Variants in GOLGB1 observed in about 807,000 individuals in gnomAD.
GOLGB1 encodes the protein golgin subfamily B member 1.
In GOLGB1, 174 loss-of-function variants were observed where a neutral mutation model predicts 336.9. That is an observed-to-expected ratio of 0.52 (90% confidence interval 0.46 to 0.59). GOLGB1 has a LOEUF of 0.59. Ranked by LOEUF, GOLGB1 falls within the 20% of genes least tolerant of loss-of-function variation. The pLI, the probability that GOLGB1 is intolerant of heterozygous loss-of-function variation, is 0.00. For synonymous variants in GOLGB1, 1,208 were observed against 1,289.2 expected (o/e 0.94, Z 1.35); for missense variants, 3,331 against 3,645.3 (o/e 0.91, Z 2.22).
chr3:121,680,438 C>G (rs1263736642), intron 15 of GOLGB1, among the ~76,000 whole-genome samples: 3 of 152,112 alleles, frequency 2.0e-5, no homozygotes, highest in Non-Finnish European at 4.4e-5. Context: ...CATAGAAATG[C>G]TTAAACAAGC....
At chr3:121,745,854 C>T (rs9835182) in intron 1 of GOLGB1, among the ~76,000 whole-genome samples, 105,890 of 152,064 alleles carry the variant, frequency 0.7, 37,649 homozygotes, top group East Asian at 0.85. Context: ...AAGTGGCACT[C>T]AGAATTAAGT....
chr3:121,719,444 A>C (rs887953468), intron 7 of GOLGB1, among the ~76,000 whole-genome samples: 16 of 152,332 alleles, frequency 1.1e-4, no homozygotes, highest in Admixed American at 3.3e-4. Context: ...AGCACCAACA[A>C]CCTGATTAGA....
chr3:121,667,335 C>T, intron 20 of GOLGB1, 141 bp downstream of exon 20: 2 of 807,762 alleles, frequency 2.5e-6, no homozygotes, highest in Non-Finnish European at 1.9e-6. Context: ...CTTGGGTGAC[C>T]ACAATGTTGG....
At chr3:121,689,171 C>T (rs1198246598) in intron 14 of GOLGB1, among the ~76,000 whole-genome samples, 2 of 151,972 alleles carry the variant, frequency 1.3e-5, no homozygotes, top group Non-Finnish European at 1.5e-5. Flanking sequence ...TCATTGAGAA[C>T]GGGCCATGAT....
chr3:121,741,835 C>G (rs1264905025), intron 1 of GOLGB1, among the ~76,000 whole-genome samples: 3 of 152,014 alleles, frequency 2.0e-5, no homozygotes, highest in Admixed American at 6.6e-5. Flanking sequence ...TCTTGAAATA[C>G]TCTTTCCCAT....
chr3:121,734,392 G>GAAAAAAAAAAAAAAAAAAAAAAAA (rs34906801), intron 1 of GOLGB1, among the ~76,000 whole-genome samples: 1 of 107,254 alleles, frequency 9.3e-6, no homozygotes, highest in Non-Finnish European at 1.8e-5. Flanking sequence ...TCTGTCTCGG[G>GAAAAAAAAAAAAAAAAAAAAAAAA]AAAAAAAAAA....
At chr3:121,743,556 T>C (rs541651759) in intron 1 of GOLGB1, among the ~76,000 whole-genome samples, 3 of 152,286 alleles carry the variant, frequency 2.0e-5, no homozygotes, top group African/African-American at 7.2e-5. Context: ...GGCACATATA[T>C]ACCTATGTAA....
Position 121,697,379 on chromosome 3 carries a change from G to C in GOLGB1, c.3144C>G (p.Asn1048Lys), listed in dbSNP as rs1943037786. Reference protein sequence around the residue: ...ERGEVEEDKENKEYSEKCVTS... With the variant: ...ERGEVEEDKEKKEYSEKCVTS... ...TCACACATTTTTCTGAGTATTCTTT[G>C]TTTTCTTTATCTTCTTCCACTTCTC... Residue 1048 changes from asparagine (N) to lysine (K), a missense_variant, in exon 13 of 22, where the codon AAC (asparagine) becomes AAG (lysine). By Grantham distance (94) the Asn-to-Lys change is moderately conservative. Transcript: ENST00000614479. The C allele has an allele frequency of 1.9e-6, 3 of 1,613,302 alleles. No individual in the cohort carries two copies. The Admixed American group carries it at 5.0e-5, about 27-fold the overall frequency.
At position 121,730,755 on chromosome 3, in the gene GOLGB1, C is replaced by T. The variant is rs2108293935; in HGVS notation, c.96+121G>A. On this transcript the variant is annotated intron_variant, in intron 2 of 21. Transcript: ENST00000614479. ...TCACTTATAAAATTTCAATATTTTT[C>T]TTAATCCTCGCTTCACCTAGTACCA... The T allele has an allele frequency of 4.4e-6, 4 of 917,494 alleles. No homozygotes were observed. The East Asian group carries it at 1.2e-4, about 27-fold the overall frequency. The allele number at this position is 917,494 out of a possible 1,614,324, so 56.8% of individuals were successfully genotyped here.
At position 121,681,708 on chromosome 3, in the gene GOLGB1, T is replaced by G. The variant is rs1560188647; in HGVS notation, c.8852A>C (p.Gln2951Pro). Residue 2951 changes from glutamine to proline, a missense_variant, in exon 15 of 22, where the codon CAG (glutamine) becomes CCG (proline). Transcript: ENST00000614479. ...EELRQENLSW[Q>P]HELHQLRMEK... ...GTACCTGAGCTGATGCAGCTCATGC[T>G]GCCAGGAGAGGTTTTCCTGCCTGAG... 3.1e-6 allele frequency: 5 copies of G among 1,609,292 alleles called. No individual in the cohort carries two copies. In the East Asian group the frequency reaches 8.9e-5, roughly 29 times the overall value.
chr3:121,670,017 C>T (rs1400708532), intron 17 of GOLGB1, among the ~76,000 whole-genome samples: 1 of 152,140 alleles, frequency 6.6e-6, no homozygotes, highest in Non-Finnish European at 1.5e-5. Context: ...TTCAGTCTTC[C>T]CTTGAACATG....
Position 121,738,147 on chromosome 3 carries a change from T to G in GOLGB1, c.-2-7174A>C. Among the ~76,000 whole-genome samples the G allele has an allele frequency of 1.3e-5, 2 of 152,208 alleles. 1 individual carries two copies. Among genetic ancestry groups the G allele is most frequent in the Non-Finnish European group, 2.9e-5 (2 of 68,036 alleles). ...GAAATGAATACCATCACTAAAGAGT[T>G]TCTTAAACATATAGATTTCTGCTAA... is the stretch of plus-strand genomic sequence containing the variant. On this transcript the variant is annotated intron_variant, in intron 1 of 21. Coordinates refer to ENST00000614479, the MANE Select transcript of GOLGB1 (RefSeq NM_001366282.2).
At chr3:121,719,807 C>A in intron 6 of GOLGB1, 39 bp from the exon 7 acceptor site, 1 of 1,528,304 alleles carries the variant, frequency 6.5e-7, no homozygotes. Context: ...AAGTTACACT[C>A]CCCGAATATT....
chr3:121,726,290 C>G (rs1392717166), intron 5 of GOLGB1, among the ~76,000 whole-genome samples: 1 of 150,584 alleles, frequency 6.6e-6, no homozygotes, highest in Admixed American at 6.6e-5. Context: ...AAAAATTAGC[C>G]AGGCATGGTG....
Position 121,693,734 on chromosome 3 carries a change from C to G in GOLGB1, c.6782+7G>C. On this transcript the variant is annotated splice_region_variant and intron_variant, in intron 13 of 21. Coordinates refer to ENST00000614479, the MANE Select transcript of GOLGB1 (RefSeq NM_001366282.2). ...TCTGGAGGAGGAAAAATTCACTACT[C>G]ATTTACCTGGAAATGTTAATCTTTA... 1 of 1,582,738 alleles carries G rather than the reference C, an allele frequency of 6.3e-7. No individual in the cohort carries two copies. The highest frequency in any genetic ancestry group is 8.6e-7 in the Non-Finnish European group (1 of 1,160,158).
intron 1 of GOLGB1, among the ~76,000 whole-genome samples, chr3:121,735,569 T>C (rs1237826730): frequency 6.6e-6 from 1 of 152,092 alleles, no homozygotes; most frequent in South Asian, 2.1e-4. Flanking sequence ...AGTAAGTAAA[T>C]TGTAGATAAT....
Position 121,748,725 on chromosome 3 carries a change from A to G in GOLGB1, c.-3+907T>C. 3 of 729,666 alleles carry G rather than the reference A, an allele frequency of 4.1e-6. No homozygotes were observed. In the South Asian group the frequency reaches 1.8e-4, roughly 45 times the overall value. The allele number at this position is 729,666 out of a possible 1,614,324, so 45.2% of individuals were successfully genotyped here. On this transcript the variant is annotated intron_variant, in intron 1 of 21. Transcript: ENST00000614479. ...TTGCTTGCATCTTGCACAGAACTGT[A>G]AAAAGGTCCTTTAAATGCTCAGACA... is the stretch of plus-strand genomic sequence containing the variant.
At chr3:121,700,723 G>A (rs1013040455) in intron 11 of GOLGB1, among the ~76,000 whole-genome samples, 1 of 151,970 alleles carries the variant, frequency 6.6e-6, no homozygotes, top group African/African-American at 2.4e-5. Flanking sequence ...GAGAACATTT[G>A]TACTGCTTTT....
At chr3:121,686,775 C>T (rs76403633) in intron 14 of GOLGB1, among the ~76,000 whole-genome samples, 2,474 of 152,200 alleles carry the variant, frequency 0.016, 41 homozygotes, top group Non-Finnish European at 0.023. Flanking sequence ...AGAAGAGGAT[C>T]TGAGCTCTGG....
Sources: gnomAD v4.1 joint callset for allele counts (sites outside exome capture counted in the v4.1 genomes callset) on GRCh38, gnomAD v4.1.1 for gene constraint, MANE v1.5 for transcripts, NCBI Gene and HGNC (gene_info 2026-07-23, HGNC 2026-07-21) for gene names.